The following SORCS1 variants were observed in gnomAD, a reference collection of about 807,000 sequenced individuals.
The protein encoded by SORCS1 is VPS10 domain-containing receptor SorCS1.
Under a neutral mutation model 146.1 loss-of-function variants are expected in SORCS1, and 60 were observed. The observed-to-expected ratio is 0.41, with a 90% CI of 0.33 to 0.51. The LOEUF (loss-of-function observed/expected upper bound fraction) is 0.51. Ranked by LOEUF, SORCS1 falls within the 20% of genes least tolerant of loss-of-function variation. The pLI is 0.21. For missense variants in SORCS1, 1,352 were observed against 1,487.6 expected, an observed-to-expected ratio of 0.91 and a Z score of 1.50; for synonymous variants, 637 against 584.0, an observed-to-expected ratio of 1.09 and a Z score of -1.31.
intron 1 of SORCS1, among the ~76,000 whole-genome samples, chr10:107,044,504 C>T (rs11193186): frequency 2.2e-5 from 2 of 91,686 alleles, no homozygotes; most frequent in Non-Finnish European, 4.3e-5. Flanking sequence ...ATGTTTCATT[C>T]TAATTTGTAA....
chr10:106,912,975 C>T (rs750613554), intron 2 of SORCS1, among the ~76,000 whole-genome samples: 50 of 152,038 alleles, frequency 3.3e-4, no homozygotes, highest in African/African-American at 8.2e-4. Context: ...CCACTGCGCC[C>T]GGCCAGGCAT....
intron 1 of SORCS1, among the ~76,000 whole-genome samples, chr10:107,102,941 C>G (rs1003622206): frequency 6.6e-6 from 1 of 152,088 alleles, no homozygotes; most frequent in African/African-American, 2.4e-5. Context: ...CCTCCAAATG[C>G]TTGCTATCAA....
At chr10:106,599,677 A>T (rs2133333174) in intron 23 of SORCS1, among the ~76,000 whole-genome samples, 1 of 152,310 alleles carries the variant, frequency 6.6e-6, no homozygotes, top group South Asian at 2.1e-4. Context: ...TGCCAAATTT[A>T]TCACATGGAC....
At chr10:106,760,940 C>G (rs76621160) in intron 5 of SORCS1, among the ~76,000 whole-genome samples, 2 of 152,052 alleles carry the variant, frequency 1.3e-5, no homozygotes, top group African/African-American at 4.8e-5. Context: ...AACCCCATCT[C>G]TACTAAAAAT....
At chr10:106,659,697 G>A (rs1850576925) in intron 17 of SORCS1, among the ~76,000 whole-genome samples, 1 of 152,108 alleles carries the variant, frequency 6.6e-6, no homozygotes, top group Non-Finnish European at 1.5e-5. Flanking sequence ...ACTAAGTCTG[G>A]TGTTCTCTTG....
At chr10:106,617,063 T>C (rs1847417284) in intron 21 of SORCS1, among the ~76,000 whole-genome samples, 1 of 151,936 alleles carries the variant, frequency 6.6e-6, no homozygotes, top group Non-Finnish European at 1.5e-5. Context: ...CAAGCGATTC[T>C]CCTGCCTCAG....
At position 106,806,505 on chromosome 10, in the gene SORCS1, CTTTTTT is replaced by C. The variant is rs1191296212; in HGVS notation, c.726+23063_726+23068del. Among the ~76,000 whole-genome samples, 173 of 70,450 alleles carry C rather than the reference CTTTTTT, an allele frequency of 2.5e-3. 8 individuals are homozygous for C. Among genetic ancestry groups the C allele is most frequent in the African/African-American group, 0.011 (170 of 15,758 alleles). The allele number at this position is 70,450 out of a possible 152,430, so 46.2% of individuals were successfully genotyped here. ...CAGCCCTTCTGATGAGAGAGGAAGC[CTTTTTT>C]TTTTTTTTTTTTTTTTTTTTTTGAG... is the stretch of plus-strand genomic sequence containing the variant. On this transcript the variant is annotated intron_variant, in intron 3 of 25. Coordinates refer to ENST00000263054, the MANE Select transcript of SORCS1 (RefSeq NM_052918.5).
chr10:106,911,220 TCAA>T (rs1952134747), intron 2 of SORCS1, among the ~76,000 whole-genome samples: 1 of 152,220 alleles, frequency 6.6e-6, no homozygotes, highest in Admixed American at 6.5e-5. Context: ...AGATTAGCTT[TCAA>T]CAACAGAAAA....
At chr10:106,771,076 C>T (rs1325476172) in intron 4 of SORCS1, among the ~76,000 whole-genome samples, 1 of 152,216 alleles carries the variant, frequency 6.6e-6, no homozygotes, top group East Asian at 1.9e-4. Context: ...GTCCTGACAG[C>T]GTTCATGTTG....
intron 2 of SORCS1, among the ~76,000 whole-genome samples, chr10:106,843,638 T>C (rs11599488): frequency 1.3e-5 from 2 of 152,118 alleles, no homozygotes; most frequent in Non-Finnish European, 2.9e-5. Flanking sequence ...GATTTCACCG[T>C]GTTAGCCAGG....
intron 24 of SORCS1, among the ~76,000 whole-genome samples, chr10:106,587,915 C>A (rs912368600): frequency 2.6e-5 from 4 of 152,084 alleles, no homozygotes; most frequent in Admixed American, 2.6e-4. Context: ...TAACCCTTTA[C>A]CATTTTTATA....
At position 106,611,940 on chromosome 10, in the gene SORCS1, C is replaced by A. The variant is rs766834176; in HGVS notation, c.3004G>T (p.Gly1002Cys). The change falls in exon 22 of 26, where the codon GGT (glycine) becomes TGT (cysteine). Residue 1002 changes from glycine (G) to cysteine (C), a missense_variant. By Grantham distance (159) the Gly-to-Cys change is radical (BLOSUM62 -3). Coordinates refer to ENST00000263054, the MANE Select transcript of SORCS1 (RefSeq NM_052918.5). ...ACCAGGGATTTTTTGATGACTCGAC[C>A]GATGTCCCTCCTCCACTCAGGGATG... is the stretch of plus-strand genomic sequence containing the variant. ...PDIPEWRRDI[G>C]RVIKKSLVEA... The A allele has an allele frequency of 6.2e-7, 1 of 1,614,034 alleles. No individual in the cohort carries two copies. Among genetic ancestry groups the A allele is most frequent in the African/African-American group, 1.3e-5 (1 of 75,034 alleles).
At chr10:106,651,586 T>C (rs1156397795) in intron 18 of SORCS1, among the ~76,000 whole-genome samples, 1 of 152,218 alleles carries the variant, frequency 6.6e-6, no homozygotes, top group Non-Finnish European at 1.5e-5. Flanking sequence ...GGTGTCATTG[T>C]TAGCCTTTAA....
chr10:106,602,415 C>A (rs890537801), intron 23 of SORCS1, among the ~76,000 whole-genome samples: 1 of 151,836 alleles, frequency 6.6e-6, no homozygotes, highest in African/African-American at 2.4e-5. Context: ...AGAGGAAGAT[C>A]TTTCCCAATT....
At chr10:107,162,191 G>A (rs1969763478) in intron 1 of SORCS1, among the ~76,000 whole-genome samples, 1 of 152,160 alleles carries the variant, frequency 6.6e-6, no homozygotes, top group African/African-American at 2.4e-5. Context: ...CAAGAGATGA[G>A]CTAAAAGAAG....
chr10:106,886,947 A>G (rs1167887426), intron 2 of SORCS1, among the ~76,000 whole-genome samples: 1 of 152,226 alleles, frequency 6.6e-6, no homozygotes, highest in Non-Finnish European at 1.5e-5. Context: ...AATGTTTAGA[A>G]AAAGAAGACC....
At chr10:106,711,039 T>A (rs1454666525) in intron 6 of SORCS1, among the ~76,000 whole-genome samples, 1 of 152,220 alleles carries the variant, frequency 6.6e-6, no homozygotes, top group Non-Finnish European at 1.5e-5. Flanking sequence ...CCTTGTTATT[T>A]CTTTCTTACT....
At chr10:106,922,465 A>T (rs2138426043) in intron 2 of SORCS1, among the ~76,000 whole-genome samples, 1 of 152,386 alleles carries the variant, frequency 6.6e-6, no homozygotes, top group Admixed American at 6.5e-5. Flanking sequence ...TAATAAAGTC[A>T]AAACTTTGAT....
At chr10:106,813,942 G>C (rs1196252975) in intron 3 of SORCS1, among the ~76,000 whole-genome samples, 1 of 152,106 alleles carries the variant, frequency 6.6e-6, no homozygotes, top group Non-Finnish European at 1.5e-5. Flanking sequence ...TACAGAGTGA[G>C]ACATTGTCTC....
Sources: gnomAD v4.1 joint callset for allele counts (sites outside exome capture counted in the v4.1 genomes callset) on GRCh38, gnomAD v4.1.1 for gene constraint, MANE v1.5 for transcripts, NCBI Gene and HGNC (gene_info 2026-07-23, HGNC 2026-07-21) for gene names.